STIL: variants seen among roughly 807,000 people sequenced by gnomAD.
STIL encodes the protein SCL-interrupting locus protein.
Under a neutral mutation model 110.1 loss-of-function variants are expected in STIL, and 55 were observed. The ratio of observed to expected loss-of-function variants is 0.50; its 90% CI spans 0.40 to 0.63. STIL has a LOEUF of 0.63. Ranked by LOEUF, STIL falls within the 20% of genes least tolerant of loss-of-function variation. The pLI is 0.00. For missense variants in STIL, 1,358 were observed against 1,530.0 expected (o/e 0.89, Z 1.87); for synonymous variants, 481 against 530.0 (o/e 0.91, Z 1.27).
intron 14 of STIL, 27 bp from the exon 15 acceptor site, chr1:47,263,143 C>A: frequency 1.3e-6 from 2 of 1,590,812 alleles, no homozygotes; most frequent in South Asian, 2.2e-5. Flanking sequence ...ATGTGTTAGT[C>A]ATTGAGGTAC....
intron 7 of STIL, among the ~76,000 whole-genome samples, chr1:47,295,371 C>T (rs1400436458): frequency 6.6e-5 from 10 of 151,980 alleles, no homozygotes; most frequent in South Asian, 2.1e-4. Flanking sequence ...CTTGAGGCCA[C>T]GGGTTCGAGA....
rs755365789 is a variant in STIL, at chr1:47,295,845, A to G, written c.705T>C (p.Tyr235=). 2 of 1,608,026 alleles carry G rather than the reference A, an allele frequency of 1.2e-6. No individual in the cohort carries two copies. The highest frequency in any genetic ancestry group is 1.1e-5 in the South Asian group (1 of 90,954). The stretch of plus-strand genomic sequence containing the variant: ...ATTTGCGTGTTTCATCCATGGTAAG[A>G]TATCTAAACAGAAGACATTCATGTG... The part of the protein sequence containing the change: ...SQVQGTYKYG[Y]LTMDETRKLL... Residue 235 remains tyrosine, a synonymous_variant, in exon 7 of 17, where the codon TAT becomes TAC. Coordinates refer to ENST00000371877, the MANE Select transcript of STIL (RefSeq NM_001048166.1).
intron 15 of STIL, 97 bp from the exon 16 acceptor site, chr1:47,260,636 G>T: frequency 3.9e-6 from 5 of 1,293,822 alleles, no homozygotes; most frequent in Non-Finnish European, 4.4e-6. Context: ...ACTTTGGGAA[G>T]CCAAGGCAGG....
At chr1:47,273,554 A>G (rs1015978172) in intron 12 of STIL, among the ~76,000 whole-genome samples, 7 of 152,234 alleles carry the variant, frequency 4.6e-5, no homozygotes, top group Non-Finnish European at 8.8e-5. Flanking sequence ...TTGCTGAATA[A>G]CATTCCCTTG....
At chr1:47,280,195 T>A in intron 12 of STIL, 46 bp downstream of exon 12, 1 of 1,613,196 alleles carries the variant, frequency 6.2e-7, no homozygotes, top group South Asian at 1.1e-5. Context: ...TTTTAAGAAA[T>A]CTTAATACCA....
intron 14 of STIL, among the ~76,000 whole-genome samples, chr1:47,265,237 CAA>C (rs61666574): frequency 2.7e-4 from 14 of 51,656 alleles, no homozygotes; most frequent in African/African-American, 8.5e-4. Flanking sequence ...CTCCATCTCC[CAA>C]AAAAAAAAAA....
At chr1:47,304,203 G>A (rs1357789969) in intron 3 of STIL, among the ~76,000 whole-genome samples, 2 of 125,366 alleles carry the variant, frequency 1.6e-5, no homozygotes, top group Non-Finnish European at 3.4e-5. Flanking sequence ...ATTTTTTATT[G>A]AGACAAGGTC....
intron 8 of STIL, among the ~76,000 whole-genome samples, chr1:47,292,029 GT>G (rs57716078): frequency 0.011 from 1,577 of 137,962 alleles, 35 homozygotes; most frequent in African/African-American, 0.039. Context: ...CTTGTTTTTT[GT>G]TTTTTTTTTT....
chr1:47,309,065 A>T (rs12132928), intron 2 of STIL, among the ~76,000 whole-genome samples: 62,425 of 151,142 alleles, frequency 0.41, 14,567 homozygotes, highest in Middle Eastern at 0.52. Flanking sequence ...AAAAAAAAAA[A>T]AATAATAATA....
intron 12 of STIL, among the ~76,000 whole-genome samples, chr1:47,274,600 A>T (rs1358877664): frequency 6.8e-6 from 1 of 146,748 alleles, no homozygotes; most frequent in Non-Finnish European, 1.5e-5. Flanking sequence ...TACAGGCGTG[A>T]GCCACCACAC....
intron 16 of STIL, among the ~76,000 whole-genome samples, chr1:47,258,529 A>AT (rs1461236049): frequency 6.6e-6 from 1 of 152,212 alleles, no homozygotes; most frequent in East Asian, 1.9e-4. Flanking sequence ...GTATATCCCT[A>AT]TAAGGAAAAG....
intron 14 of STIL, among the ~76,000 whole-genome samples, chr1:47,264,922 T>C (rs1205920800): frequency 8.5e-6 from 1 of 118,262 alleles, no homozygotes; most frequent in Non-Finnish European, 1.8e-5. Context: ...CAGATCTGTT[T>C]CTAAAGTTAA....
Position 47,250,886 on chromosome 1 carries a change from A to C in STIL, c.*250T>G. On this transcript the variant is annotated 3_prime_UTR_variant, in exon 17 of 17. Coordinates refer to ENST00000371877, the MANE Select transcript of STIL (RefSeq NM_001048166.1). ...CTGGATAGTATCTGTCTACTACTTA[A>C]ACTTGTAGGAATAACTGATCTCAGG... 1 of 476,812 alleles carries C rather than the reference A, an allele frequency of 2.1e-6. No homozygotes were observed. The highest frequency in any genetic ancestry group is 2.9e-5 in the South Asian group (1 of 35,048). 29.5% of individuals were successfully genotyped at this position (476,812 alleles called of 1,614,324 possible). A position where few individuals can be genotyped will look rare whatever the true frequency, so the allele number is the denominator to read the frequency against.
chr1:47,306,712 C>G (rs917088744), intron 2 of STIL, among the ~76,000 whole-genome samples: 1 of 152,162 alleles, frequency 6.6e-6, no homozygotes, highest in Non-Finnish European at 1.5e-5. Context: ...ATTATTGAAG[C>G]GTCAAAAGGA....
intron 5 of STIL, 36 bp downstream of exon 5, chr1:47,301,525 T>C: frequency 1.9e-6 from 3 of 1,557,168 alleles, no homozygotes; most frequent in Non-Finnish European, 2.7e-6. Context: ...TTGATTCTTG[T>C]GTTGAATTAA....
chr1:47,270,247 T>TACACACACAC (rs1471336626), intron 13 of STIL, among the ~76,000 whole-genome samples: 1 of 97,784 alleles, frequency 1.0e-5, no homozygotes, highest in Non-Finnish European at 2.1e-5. Context: ...AAAAAATATA[T>TACACACACAC]ATATATATAC....
intron 12 of STIL, among the ~76,000 whole-genome samples, chr1:47,276,945 C>T (rs551248735): frequency 2.0e-4 from 30 of 151,242 alleles, no homozygotes; most frequent in African/African-American, 7.3e-4. Context: ...CATCATTCAT[C>T]TCATCTAGAA....
At chr1:47,258,147 G>C (rs1644376685) in intron 16 of STIL, among the ~76,000 whole-genome samples, 1 of 152,206 alleles carries the variant, frequency 6.6e-6, no homozygotes, top group Non-Finnish European at 1.5e-5. Flanking sequence ...TGACAAGTTG[G>C]TTCTCAGTTC....
At position 47,310,352 on chromosome 1, in the gene STIL, T is replaced by C. The variant is rs374907112; in HGVS notation, c.-33A>G. ...GGTGAATGATTTCTTTAATTCCAAA[T>C]CCTCAGTATCCTAAAGAATTAAAGA... On this transcript the variant is annotated 5_prime_UTR_variant, in exon 2 of 17. Transcript: ENST00000371877. The C allele has an allele frequency of 1.9e-6, 3 of 1,587,600 alleles. No individual in the cohort carries two copies. The highest frequency in any genetic ancestry group is 1.3e-5 in the African/African-American group (1 of 74,410).
Sources: allele counts gnomAD v4.1 joint callset (sites outside exome capture counted in the v4.1 genomes callset), GRCh38; gene constraint gnomAD v4.1.1; transcripts MANE v1.5; gene names NCBI Gene and HGNC (gene_info 2026-07-23, HGNC 2026-07-21).